Variants in PTBP1 observed in about 807,000 individuals in gnomAD.
PTBP1 encodes polypyrimidine tract binding protein 1.
In PTBP1, 8 loss-of-function variants were observed where a neutral mutation model predicts 59.8. That is an observed-to-expected ratio of 0.13 (90% confidence interval 0.08 to 0.24). The LOEUF is 0.24. PTBP1 is among the 10% of genes least tolerant of loss of function. The pLI, the probability that PTBP1 is intolerant of heterozygous loss-of-function variation, is 1.00. For synonymous variants in PTBP1, 490 were observed against 320.7 expected (o/e 1.53, Z -5.64); for missense variants, 686 against 767.0 (o/e 0.89, Z 1.25).
rs376826849 is a variant in PTBP1, at chr19:808,315, G to C, written c.1154-45G>C. The C allele has an allele frequency of 6.8e-7, 1 of 1,473,332 alleles. No individual in the cohort carries two copies. Among genetic ancestry groups the C allele is most frequent in the Non-Finnish European group, 9.3e-7 (1 of 1,075,152 alleles). The allele number at this position is 1,473,332 out of a possible 1,614,324, so 91.3% of individuals were successfully genotyped here. On this transcript the variant is annotated intron_variant, in intron 11 of 14. Transcript: ENST00000356948. This position sits in a 1 kb window ranked among gnomAD's most constrained non-coding sequence, Gnocchi z 4.7. ...GCCGGGGCTGACGGGGAGATGGGCG[G>C]GGCAGGCAGCAGGAGACTCAGGCCC...
In PTBP1 at chr19:804,914, C is replaced by G; in HGVS notation, c.692C>G (p.Pro231Arg). Residue 231 changes from proline to arginine, a missense_variant, in exon 7 of 15, where the codon CCC becomes CGC. Pro to Arg is a moderately radical substitution (Grantham distance 103). Transcript: ENST00000356948. The stretch of plus-strand genomic sequence containing the variant: ...CAGGCCCTGCTGCAGTATGCGGACC[C>G]CGTGAGCGCCCAGCACGCCAAGCTG... Reference protein sequence around the residue: ...QFQALLQYADPVSAQHAKLSL... With the variant: ...QFQALLQYADRVSAQHAKLSL... 1 of 1,613,882 alleles carries G rather than the reference C, an allele frequency of 6.2e-7. No homozygotes were observed. The highest frequency in any genetic ancestry group is 8.5e-7 in the Non-Finnish European group (1 of 1,179,874).
chr19:806,633 C>A, intron 10 of PTBP1, 77 bp downstream of exon 10: 2 of 1,369,196 alleles, frequency 1.5e-6, no homozygotes, highest in East Asian at 3.0e-5. Context: ...GCTCGGGTCC[C>A]GGAGCAGCGC....
intron 13 of PTBP1, among the ~76,000 whole-genome samples, chr19:809,114 TTG>T (rs1782259634): frequency 6.6e-6 from 1 of 151,972 alleles, no homozygotes; most frequent in African/African-American, 2.4e-5. Context: ...GTTCAAGTGA[TTG>T]TGCCACCTCA....
chr19:810,866 TC>T lies in PTBP1; in HGVS notation c.*42del. ...ACGGCCGGGCCCCCTGGCGACAACT[TC>T]CATCATTCCAGAGAAAAGCCACTTT... On this transcript the variant is annotated 3_prime_UTR_variant, in exon 15 of 15. Transcript: ENST00000356948. 6.7e-7 allele frequency: 1 copy of T among 1,492,280 alleles called. No individual in the cohort carries two copies. Among genetic ancestry groups the T allele is most frequent in the Non-Finnish European group, 8.9e-7 (1 of 1,128,208 alleles). 92.4% of individuals were successfully genotyped at this position (1,492,280 alleles called of 1,614,324 possible).
Position 805,158 on chromosome 19 carries a change from C to T in PTBP1, c.863C>T (p.Ser288Leu), listed in dbSNP as rs147259741. ...CTGCCTTCCGGGGACAGCCAGCCCT[C>T]GCTGGACCAGACCATGGCCGCGGCC... ...PDLPSGDSQP[S>L]LDQTMAAAFG... Residue 288 changes from serine (S) to leucine (L), a missense_variant, in exon 8 of 15, where the codon TCG becomes TTG. By Grantham distance (145) the Ser-to-Leu change is moderately radical (BLOSUM62 -2). Coordinates refer to ENST00000356948, the MANE Select transcript of PTBP1 (RefSeq NM_002819.5). The T allele has an allele frequency of 7.2e-4, 1,169 of 1,613,642 alleles. 3 individuals are homozygous for T. The highest frequency in any genetic ancestry group is 2.0e-3 in the Middle Eastern group (12 of 6,062).
At chr19:805,651 GC>G in intron 9 of PTBP1, 82 bp downstream of exon 9, 1 of 1,248,024 alleles carries the variant, frequency 8.0e-7, no homozygotes, top group Non-Finnish European at 1.2e-6. Flanking sequence ...CACGGCGGCA[GC>G]CTGGGCGGAC....
chr19:806,351 C>T lies in PTBP1; in HGVS notation c.971-57C>T, dbSNP rs1030871410. ...ATGAGGACGGGGAGCGTCGGCCTCT[C>T]CCACTCTGCGGTGGAGTCGGGGGCG... On this transcript the variant is annotated intron_variant, in intron 9 of 14. Coordinates refer to ENST00000356948, the MANE Select transcript of PTBP1 (RefSeq NM_002819.5). 45 of 1,535,150 alleles carry T rather than the reference C, an allele frequency of 2.9e-5. No homozygotes were observed. In the East Asian group the frequency reaches 9.7e-4, roughly 33 times the overall value.
At position 804,126 on chromosome 19, in the gene PTBP1, A is replaced by C. The variant is rs1182191622; in HGVS notation, c.206A>C (p.Asp69Ala). The C allele has an allele frequency of 6.2e-7, 1 of 1,613,730 alleles. No individual in the cohort carries two copies. Among genetic ancestry groups the C allele is most frequent in the Non-Finnish European group, 8.5e-7 (1 of 1,179,886 alleles). The change falls in exon 4 of 15, where the codon GAC (aspartate) becomes GCC (alanine). Residue 69 changes from aspartate (D) to alanine (A), a missense_variant. Transcript: ENST00000356948. ...ATCCACATCCGGAAGCTCCCCATCG[A>C]CGTCACGGAGGGGGAAGTCATCTCC... ...RVIHIRKLPIDVTEGEVISLG... is the reference protein window; with the variant it reads ...RVIHIRKLPIAVTEGEVISLG...
intron 13 of PTBP1, among the ~76,000 whole-genome samples, chr19:809,909 A>T (rs2034775188): frequency 6.6e-6 from 1 of 152,206 alleles, no homozygotes; most frequent in South Asian, 2.1e-4. Context: ...TGTAAAAATT[A>T]CATAATGCAA....
chr19:804,504 CG>C, intron 5 of PTBP1, 27 bp from the exon 6 acceptor site: 1 of 1,594,260 alleles, frequency 6.3e-7, no homozygotes. Flanking sequence ...CCGCAGGGGC[CG>C]GGGACTCACG....
chr19:811,913 G>A lies in PTBP1; in HGVS notation c.*1087G>A, dbSNP rs906392076. ...CCTCTGATGCTGGGACCCGGAAGGC[G>A]GGCGCTCCTCCTGTCTTCTCTGTGC... On this transcript the variant is annotated 3_prime_UTR_variant, in exon 15 of 15. Coordinates refer to ENST00000356948, the MANE Select transcript of PTBP1 (RefSeq NM_002819.5). 5 of 127,928 alleles carry A rather than the reference G, an allele frequency of 3.9e-5. No individual in the cohort carries two copies. Among genetic ancestry groups the A allele is most frequent in the Non-Finnish European group, 7.2e-5 (4 of 55,684 alleles). The allele number at this position is 127,928 out of a possible 1,614,324, so 7.9% of individuals were successfully genotyped here.
At chr19:798,946 C>G (rs921212605) in intron 1 of PTBP1, among the ~76,000 whole-genome samples, 1 of 152,252 alleles carries the variant, frequency 6.6e-6, no homozygotes, top group Admixed American at 6.5e-5. Flanking sequence ...GGGCTCCACT[C>G]TGCTGAGAGG....
chr19:801,351 G>C (rs570548631), intron 2 of PTBP1, among the ~76,000 whole-genome samples: 2 of 152,268 alleles, frequency 1.3e-5, no homozygotes, highest in African/African-American at 2.4e-5. Context: ...GCGCCGTTGA[G>C]CTGAGCCAAG....
Position 812,098 on chromosome 19 carries a change from G to C in PTBP1, c.*1272G>C, listed in dbSNP as rs1191269522. ...TTATGGTGACACAAATGTATATTTTGCTAACAGCAATTCCAGGCTCAGTAT... is the reference window on the plus strand; with the variant it reads ...TTATGGTGACACAAATGTATATTTTCCTAACAGCAATTCCAGGCTCAGTAT... On this transcript the variant is annotated 3_prime_UTR_variant, in exon 15 of 15. Transcript: ENST00000356948. 3 of 152,394 alleles carry C rather than the reference G, an allele frequency of 2.0e-5. No individual in the cohort carries two copies. Among genetic ancestry groups the C allele is most frequent in the African/African-American group, 4.8e-5 (2 of 41,438 alleles). The allele number at this position is 152,394 out of a possible 1,614,324, so 9.4% of individuals were successfully genotyped here.
chr19:808,502 C>G lies in PTBP1; in HGVS notation c.1247-44C>G. On this transcript the variant is annotated intron_variant, in intron 12 of 14. Transcript: ENST00000356948. The surrounding 1 kb of genome is among the most constrained non-coding windows in gnomAD (Gnocchi z 4.7). ...GTGGAGGGGGCAGGGGCGGGGGCTGCGTTCCCTCTCGGGCGCCTGGTCACG... is the reference window on the plus strand; with the variant it reads ...GTGGAGGGGGCAGGGGCGGGGGCTGGGTTCCCTCTCGGGCGCCTGGTCACG... 4 of 1,556,934 alleles carry G rather than the reference C, an allele frequency of 2.6e-6. No homozygotes were observed. Among genetic ancestry groups the G allele is most frequent in the Non-Finnish European group, 3.5e-6 (4 of 1,151,860 alleles).
At chr19:802,408 G>A in intron 2 of PTBP1, among the ~76,000 whole-genome samples, 1 of 151,574 alleles carries the variant, frequency 6.6e-6, no homozygotes, top group Non-Finnish European at 1.5e-5. Flanking sequence ...CCAGGTGTGG[G>A]GGCAGCTCCT....
intron 10 of PTBP1, chr19:807,593 ATTTC>A (rs1302995710): frequency 2.3e-6 from 1 of 426,534 alleles, no homozygotes; most frequent in Non-Finnish European, 4.1e-6. Context: ...CTGATCCGGA[ATTTC>A]TTTGCCAACT....
chr19:810,985 A>C lies in PTBP1; in HGVS notation c.*159A>C. On this transcript the variant is annotated 3_prime_UTR_variant, in exon 15 of 15. Transcript: ENST00000356948. ...TTTTTAAAAAAATTAAATCTAGTTC[A>C]CCTTGCTCACCCTGCGGTGACAGGG... 1.3e-6 allele frequency: 1 copy of C among 759,064 alleles called. No homozygotes were observed. The highest frequency in any genetic ancestry group is 1.9e-6 in the Non-Finnish European group (1 of 514,368). 47.0% of individuals were successfully genotyped at this position (759,064 alleles called of 1,614,324 possible). A position where few individuals can be genotyped will look rare whatever the true frequency, so the allele number is the denominator to read the frequency against.
Position 799,458 on chromosome 19 carries a change from C to T in PTBP1, c.39+15C>T, listed in dbSNP as rs753633526. On this transcript the variant is annotated intron_variant, in intron 2 of 14. Coordinates refer to ENST00000356948, the MANE Select transcript of PTBP1 (RefSeq NM_002819.5). ...TTGGTACAAAGGTAGGCACTTCTCA[C>T]TTTGCTTCTCCGTGACGCTCCTCTG... 3.1e-6 allele frequency: 5 copies of T among 1,613,394 alleles called. No individual in the cohort carries two copies. Among genetic ancestry groups the T allele is most frequent in the Middle Eastern group, 1.7e-4 (1 of 6,058 alleles).
Sources: gnomAD v4.1 joint callset for allele counts (sites outside exome capture counted in the v4.1 genomes callset) on GRCh38, gnomAD v4.1.1 for gene constraint, Gnocchi (gnomAD v3.1) non-coding constraint, MANE v1.5 for transcripts, NCBI Gene and HGNC (gene_info 2026-07-23, HGNC 2026-07-21) for gene names.